The following EPHA6 variants were observed in gnomAD, a reference collection of about 807,000 sequenced individuals.
EPHA6 encodes the protein ephrin type-A receptor 6.
Under a neutral mutation model 112.0 loss-of-function variants are expected in EPHA6, and 50 were observed. That is an observed-to-expected ratio of 0.45 (90% CI 0.36 to 0.56). EPHA6 has a LOEUF of 0.56. Ranked by LOEUF, EPHA6 falls within the 20% of genes least tolerant of loss-of-function variation. The pLI is 0.00. For synonymous variants in EPHA6, 529 were observed against 490.7 expected, an observed-to-expected ratio of 1.08 and a Z score of -1.03; for missense variants, 1,280 against 1,417.4, an observed-to-expected ratio of 0.90 and a Z score of 1.56.
At chr3:97,569,231 A>G (rs2093305716) in intron 11 of EPHA6, among the ~76,000 whole-genome samples, 1 of 152,224 alleles carries the variant, frequency 6.6e-6, no homozygotes, top group South Asian at 2.1e-4. Flanking sequence ...AAGTACACAT[A>G]AAGGCAGAGA....
At chr3:97,046,921 T>C (rs1475527805) in intron 3 of EPHA6, among the ~76,000 whole-genome samples, 1 of 152,136 alleles carries the variant, frequency 6.6e-6, no homozygotes, top group Non-Finnish European at 1.5e-5. Flanking sequence ...ATTAATAAAC[T>C]AATACAAGAA....
At chr3:97,481,636 CT>C (rs2107488594) in intron 9 of EPHA6, 1 of 435,032 alleles carries the variant, frequency 2.3e-6, no homozygotes, top group South Asian at 2.0e-5. Flanking sequence ...AGGCCCGCCG[CT>C]TGGAGACGCC....
chr3:97,556,123 C>T (rs1577763508), intron 11 of EPHA6, among the ~76,000 whole-genome samples: 3 of 152,104 alleles, frequency 2.0e-5, no homozygotes, highest in African/African-American at 7.2e-5. Flanking sequence ...CAACCTTAAA[C>T]CTACTTAGCC....
intron 5 of EPHA6, among the ~76,000 whole-genome samples, chr3:97,282,189 A>C (rs2080309181): frequency 6.6e-6 from 1 of 152,190 alleles, no homozygotes; most frequent in African/African-American, 2.4e-5. Context: ...TGATGATGTC[A>C]GATAAATATA....
intron 13 of EPHA6, among the ~76,000 whole-genome samples, chr3:97,637,248 C>T (rs971406231): frequency 2.0e-5 from 3 of 152,118 alleles, no homozygotes; most frequent in Non-Finnish European, 4.4e-5. Context: ...TCTCATTTTT[C>T]TGTCAATTGC....
intron 5 of EPHA6, among the ~76,000 whole-genome samples, chr3:97,342,216 A>G (rs59831142): frequency 0.085 from 12,993 of 152,138 alleles, 1,670 homozygotes; most frequent in African/African-American, 0.28. Flanking sequence ...GTGTGTTTTT[A>G]TTTTTAAGTA....
At chr3:97,280,781 A>G (rs1474160025) in intron 5 of EPHA6, among the ~76,000 whole-genome samples, 3 of 152,178 alleles carry the variant, frequency 2.0e-5, no homozygotes, top group Non-Finnish European at 4.4e-5. Flanking sequence ...AAAACCAAAA[A>G]TCTTCTGGGA....
chr3:97,341,496 A>T (rs1157104494), intron 5 of EPHA6, among the ~76,000 whole-genome samples: 4 of 151,958 alleles, frequency 2.6e-5, no homozygotes, highest in Non-Finnish European at 5.9e-5. Context: ...CTGGGATTAC[A>T]GGTGCCCGCC....
chr3:96,853,979 A>T (rs1443399342), intron 1 of EPHA6, among the ~76,000 whole-genome samples: 1 of 152,010 alleles, frequency 6.6e-6, no homozygotes, highest in Non-Finnish European at 1.5e-5. Flanking sequence ...TTGCTTTATA[A>T]GAACTCTTCA....
chr3:97,272,545 C>A (rs146205406), intron 5 of EPHA6, among the ~76,000 whole-genome samples: 2,298 of 151,988 alleles, frequency 0.015, 49 homozygotes, highest in African/African-American at 0.051. Flanking sequence ...TGCAGGCGGG[C>A]TGAGTCCAAA....
intron 3 of EPHA6, among the ~76,000 whole-genome samples, chr3:97,124,659 G>A (rs1164366540): frequency 7.2e-5 from 11 of 152,068 alleles, no homozygotes; most frequent in Non-Finnish European, 1.5e-4. Context: ...TTTGAGGAGA[G>A]GCCACCACTC....
intron 7 of EPHA6, among the ~76,000 whole-genome samples, chr3:97,462,512 C>T (rs961320225): frequency 2.0e-5 from 3 of 152,134 alleles, no homozygotes; most frequent in Non-Finnish European, 2.9e-5. Context: ...TAGCCACCTA[C>T]TCCACTACAA....
chr3:97,523,093 C>T (rs1050980338), intron 10 of EPHA6, among the ~76,000 whole-genome samples: 5 of 151,678 alleles, frequency 3.3e-5, no homozygotes, highest in East Asian at 1.9e-4. Context: ...TTTGTTCTTC[C>T]TTTTTTAGTT....
At chr3:97,169,214 G>A (rs1213804442) in intron 3 of EPHA6, among the ~76,000 whole-genome samples, 2 of 152,116 alleles carry the variant, frequency 1.3e-5, no homozygotes, top group African/African-American at 2.4e-5. Context: ...CACTAGTTTA[G>A]TGTTTAGTTG....
chr3:96,984,369 A>C (rs1402516664), intron 2 of EPHA6, among the ~76,000 whole-genome samples: 1 of 152,138 alleles, frequency 6.6e-6, no homozygotes, highest in Non-Finnish European at 1.5e-5. Context: ...AGAACACCGA[A>C]TATTGCTGAA....
chr3:96,966,051 A>G (rs985115353), intron 2 of EPHA6, among the ~76,000 whole-genome samples: 12 of 152,154 alleles, frequency 7.9e-5, no homozygotes, highest in Admixed American at 4.6e-4. Context: ...AGTATATTAT[A>G]TATCAGTAAG....
In EPHA6 at chr3:97,677,816, G is replaced by A. The variant is rs369352666; in HGVS notation, c.2784+39734G>A. ...GGCAAAGCAGTTTGGTAATGACAAGGTCCAGAGTATAACCATGGAAGTGAA... is the reference window on the plus strand; with the variant it reads ...GGCAAAGCAGTTTGGTAATGACAAGATCCAGAGTATAACCATGGAAGTGAA... On this transcript the variant is annotated intron_variant, in intron 14 of 17. Transcript: ENST00000389672. 1.9e-3 allele frequency among the ~76,000 whole-genome samples: 286 copies of A among 151,886 alleles called. 1 individual carries two copies. Among genetic ancestry groups the A allele is most frequent in the African/African-American group, 6.8e-3 (281 of 41,424 alleles).
chr3:96,866,826 T>A lies in EPHA6; in HGVS notation c.387T>A (p.Val129=). 1 of 1,462,306 alleles carries A rather than the reference T, an allele frequency of 6.8e-7. No homozygotes were observed. The highest frequency in any genetic ancestry group is 2.7e-5 in the East Asian group (1 of 36,754). The allele number at this position is 1,462,306 out of a possible 1,614,324, so 90.6% of individuals were successfully genotyped here. A position where few individuals can be genotyped will look rare whatever the true frequency, so the allele number is the denominator to read the frequency against. Residue 129 remains valine (V), a splice_region_variant and synonymous_variant, in exon 2 of 18, where the codon GTT becomes GTA. Coordinates refer to ENST00000389672, the MANE Select transcript of EPHA6 (RefSeq NM_001080448.3). Reference sequence around the variant, plus strand: ...TTTTTATTTTCTATTTAATTCCAGTTGTGTTGCTTGATACAACAACTGTAC... The same window carrying A: ...TTTTTATTTTCTATTTAATTCCAGTAGTGTTGCTTGATACAACAACTGTAC... ...GDCSHVSNNQ[V]VLLDTTTVLG... is the part of the protein sequence containing the mutation.
intron 11 of EPHA6, among the ~76,000 whole-genome samples, chr3:97,542,496 G>T (rs1279747077): frequency 6.6e-6 from 1 of 152,090 alleles, no homozygotes; most frequent in South Asian, 2.1e-4. Flanking sequence ...GTCTATCATT[G>T]TTGGACATTT....
Sources: allele counts gnomAD v4.1 joint callset (sites outside exome capture counted in the v4.1 genomes callset), GRCh38; gene constraint gnomAD v4.1.1; transcripts MANE v1.5; gene names NCBI Gene and HGNC (gene_info 2026-07-23, HGNC 2026-07-21).